The following HSD17B3 variants were observed in gnomAD, a reference collection of about 807,000 sequenced individuals.
The protein encoded by HSD17B3 is 17-beta-hydroxysteroid dehydrogenase type 3.
A neutral mutation model predicts 41.1 loss-of-function variants in HSD17B3; 29 were observed. That is an observed-to-expected ratio of 0.71 (90% CI 0.53 to 0.96). The LOEUF is 0.96. HSD17B3 is among the 40% of genes least tolerant of loss of function. The pLI, the probability that HSD17B3 is intolerant of heterozygous loss-of-function variation, is 0.00. For missense variants in HSD17B3, 323 were observed against 374.6 expected, an observed-to-expected ratio of 0.86 and a Z score of 1.14; for synonymous variants, 126 against 145.6, an observed-to-expected ratio of 0.87 and a Z score of 0.97.
At chr9:96,288,859 C>T (rs1489804363) in intron 2 of HSD17B3, among the ~76,000 whole-genome samples, 1 of 151,678 alleles carries the variant, frequency 6.6e-6, no homozygotes, top group Non-Finnish European at 1.5e-5. Context: ...ATGGCGTGAA[C>T]CCGGGAGGCG....
At chr9:96,296,588 T>A (rs1008413620) in intron 2 of HSD17B3, among the ~76,000 whole-genome samples, 1 of 152,028 alleles carries the variant, frequency 6.6e-6, no homozygotes, top group African/African-American at 2.4e-5. Flanking sequence ...CTCAAGAAAA[T>A]AGCTCCCAAA....
At chr9:96,242,005 G>GAAAGAAAGAAA (rs10639457) in intron 9 of HSD17B3, among the ~76,000 whole-genome samples, 13 of 68,530 alleles carry the variant, frequency 1.9e-4, no homozygotes, top group Non-Finnish European at 4.1e-4. Flanking sequence ...AAGAAAGAAA[G>GAAAGAAAGAAA]AGAAAGAAAA....
chr9:96,277,026 C>G (rs1826488858), intron 2 of HSD17B3, among the ~76,000 whole-genome samples: 2 of 151,964 alleles, frequency 1.3e-5, no homozygotes, highest in African/African-American at 4.8e-5. Flanking sequence ...ACAGTGAAAC[C>G]CTGTCTCTAC....
intron 2 of HSD17B3, among the ~76,000 whole-genome samples, chr9:96,268,454 T>C (rs1826120232): frequency 6.6e-6 from 1 of 152,126 alleles, no homozygotes; most frequent in South Asian, 2.1e-4. Flanking sequence ...CTCAAGTAGT[T>C]CTACCACCAT....
chr9:96,299,197 G>A (rs774521698), intron 1 of HSD17B3, among the ~76,000 whole-genome samples: 3 of 152,110 alleles, frequency 2.0e-5, no homozygotes, highest in East Asian at 1.9e-4. Flanking sequence ...TCGGTATATC[G>A]TAAAACTTAC....
intron 2 of HSD17B3, among the ~76,000 whole-genome samples, chr9:96,270,953 CGG>C (rs34328277): frequency 0.026 from 3,205 of 124,174 alleles, 124 homozygotes; most frequent in African/African-American, 0.088. Context: ...CAAATCCTCT[CGG>C]GGGGGGGGGT....
At chr9:96,281,375 G>T (rs140725109) in intron 2 of HSD17B3, among the ~76,000 whole-genome samples, 1 of 152,232 alleles carries the variant, frequency 6.6e-6, no homozygotes, top group African/African-American at 2.4e-5. Flanking sequence ...CCCGGGTAAA[G>T]GATGGGGCTG....
intron 2 of HSD17B3, among the ~76,000 whole-genome samples, chr9:96,279,819 G>T (rs1413699549): frequency 1.3e-5 from 2 of 151,852 alleles, no homozygotes; most frequent in African/African-American, 2.4e-5. Context: ...ACCCAGGCTG[G>T]AGTGCAGTGG....
intron 2 of HSD17B3, among the ~76,000 whole-genome samples, chr9:96,265,555 C>A (rs1323336783): frequency 2.0e-5 from 3 of 152,006 alleles, no homozygotes; most frequent in African/African-American, 7.3e-5. Context: ...CTACTAAAGA[C>A]AATATCAAAA....
At chr9:96,272,401 CTCTCTATATATA>C (rs1345368164) in intron 2 of HSD17B3, among the ~76,000 whole-genome samples, 2 of 30,684 alleles carry the variant, frequency 6.5e-5, no homozygotes, top group African/African-American at 2.5e-4. Flanking sequence ...CTCTCTCTCT[CTCTCTATATATA>C]TATATATATA....
At chr9:96,238,984 C>T (rs971214313) in intron 10 of HSD17B3, among the ~76,000 whole-genome samples, 1 of 152,184 alleles carries the variant, frequency 6.6e-6, no homozygotes, top group Admixed American at 6.5e-5. Flanking sequence ...GAGATAGCAG[C>T]CAGAGGTCTA....
chr9:96,289,691 G>A (rs1319834133), intron 2 of HSD17B3, among the ~76,000 whole-genome samples: 2 of 152,206 alleles, frequency 1.3e-5, no homozygotes, highest in Non-Finnish European at 2.9e-5. Flanking sequence ...ATGTGAAGTG[G>A]TCTGGGCCAA....
At chr9:96,265,153 T>C (rs1479245688) in intron 2 of HSD17B3, among the ~76,000 whole-genome samples, 1 of 152,142 alleles carries the variant, frequency 6.6e-6, no homozygotes, top group Non-Finnish European at 1.5e-5. Flanking sequence ...GCCAGTAAGG[T>C]TGGAAACAGA....
chr9:96,252,946 G>T (rs765424677), intron 3 of HSD17B3, 36 bp from the exon 4 acceptor site: 1 of 1,291,692 alleles, frequency 7.7e-7, no homozygotes, highest in Non-Finnish European at 1.1e-6. Flanking sequence ...AATGAACAGG[G>T]ATCCAAATGC....
intron 2 of HSD17B3, among the ~76,000 whole-genome samples, chr9:96,274,263 A>G (rs1587760990): frequency 6.6e-6 from 1 of 152,094 alleles, no homozygotes; most frequent in Admixed American, 6.5e-5. Context: ...ACATGGTGAA[A>G]CCCCATCTCT....
chr9:96,300,863 G>A (rs1209188761), intron 1 of HSD17B3, among the ~76,000 whole-genome samples: 1 of 152,082 alleles, frequency 6.6e-6, no homozygotes, highest in Non-Finnish European at 1.5e-5. Flanking sequence ...ATAGAGTTAT[G>A]CGTTGCCTTG....
intron 7 of HSD17B3, chr9:96,246,314 C>T (rs2130716437): frequency 1.7e-6 from 1 of 598,546 alleles, no homozygotes; most frequent in South Asian, 2.0e-5. Context: ...GCTGAAACTG[C>T]CGTTCTCTTC....
At chr9:96,249,946 A>C in intron 5 of HSD17B3, 160 bp from the exon 6 acceptor site, 1 of 1,521,860 alleles carries the variant, frequency 6.6e-7, no homozygotes, top group Non-Finnish European at 8.8e-7. Flanking sequence ...TCCAGCAAGC[A>C]TGTACTAGCA....
At chr9:96,245,245 G>T in intron 8 of HSD17B3, 100 bp downstream of exon 8, 1 of 934,260 alleles carries the variant, frequency 1.1e-6, no homozygotes, top group Non-Finnish European at 1.8e-6. Flanking sequence ...GCATCTCCAG[G>T]TAAACCTTTC....
Sources: allele counts gnomAD v4.1 joint callset (sites outside exome capture counted in the v4.1 genomes callset), GRCh38; gene constraint gnomAD v4.1.1; transcripts MANE v1.5; gene names NCBI Gene and HGNC (gene_info 2026-07-23, HGNC 2026-07-21).